Variants in SENP6 observed in about 807,000 individuals in gnomAD.
SENP6 encodes SUMO specific peptidase 6, also known as sentrin-specific protease 6.
In SENP6, 41 loss-of-function variants were observed where a neutral mutation model predicts 134.5. That is an observed-to-expected ratio of 0.30 (90% CI 0.24 to 0.40). The LOEUF (loss-of-function observed/expected upper bound fraction) is 0.40. Among genes scored for constraint, SENP6 ranks in the 10% least tolerant of loss-of-function variants. The pLI, the probability that SENP6 is intolerant of heterozygous loss-of-function variation, is 1.00. For synonymous variants in SENP6, 395 were observed against 429.8 expected, an observed-to-expected ratio of 0.92 and a Z score of 1.00; for missense variants, 1,248 against 1,312.5, an observed-to-expected ratio of 0.95 and a Z score of 0.76.
chr6:75,633,613 C>G lies in SENP6; in HGVS notation c.240C>G (p.Ser80Arg). ...GTCGATCTGAAATTGTTGCTAATAG[C>G]TCTGGTGAATTCATCTTGAAGACAT... The part of the protein sequence containing the change: ...LNRRSEIVAN[S>R]SGEFILKTYV... The change falls in exon 4 of 24, where the codon AGC (serine) becomes AGG (arginine). Residue 80 changes from serine to arginine, a missense_variant. Coordinates refer to ENST00000447266, the MANE Select transcript of SENP6 (RefSeq NM_015571.4). 1 of 1,604,338 alleles carries G rather than the reference C, an allele frequency of 6.2e-7. No individual in the cohort carries two copies. Among genetic ancestry groups the G allele is most frequent in the Non-Finnish European group, 8.5e-7 (1 of 1,177,272 alleles).
intron 2 of SENP6, 128 bp from the exon 3 acceptor site, chr6:75,623,772 G>T: frequency 2.9e-6 from 2 of 680,700 alleles, no homozygotes; most frequent in South Asian, 2.1e-5. Context: ...CAAAGACTGT[G>T]GTTTGGCCCT....
At chr6:75,652,232 CT>C (rs1227881990) in intron 7 of SENP6, among the ~76,000 whole-genome samples, 1 of 150,390 alleles carries the variant, frequency 6.6e-6, no homozygotes. Context: ...TTCCTTACAA[CT>C]TTTTTTTGAC....
At chr6:75,674,178 A>G (rs1218310751) in intron 11 of SENP6, among the ~76,000 whole-genome samples, 68 of 138,438 alleles carry the variant, frequency 4.9e-4, no homozygotes, top group African/African-American at 1.5e-3. Context: ...TTTAAAAACG[A>G]TAAGGTCTCT....
chr6:75,658,714 G>A (rs1006265537), intron 7 of SENP6, among the ~76,000 whole-genome samples: 75 of 151,990 alleles, frequency 4.9e-4, no homozygotes, highest in African/African-American at 1.8e-3. Context: ...TGTACTGTTT[G>A]AATTCAGATT....
intron 19 of SENP6, among the ~76,000 whole-genome samples, chr6:75,706,840 G>A (rs1234557997): frequency 6.6e-6 from 1 of 152,146 alleles, no homozygotes; most frequent in Non-Finnish European, 1.5e-5. Context: ...AGAAAACTAG[G>A]GAAATAACAA....
Position 75,702,973 on chromosome 6 carries a change from G to A in SENP6, c.2617G>A (p.Glu873Lys). 1 of 1,613,880 alleles carries A rather than the reference G, an allele frequency of 6.2e-7. No homozygotes were observed. The highest frequency in any genetic ancestry group is 8.5e-7 in the Non-Finnish European group (1 of 1,179,850). Residue 873 changes from glutamate to lysine, a missense_variant, in exon 19 of 24, where the codon GAA becomes AAA. Glu to Lys is a moderately conservative substitution (Grantham distance 56). Around this residue, in one of 3 missense-constraint regions of SENP6, gnomAD observed 386 missense variants for 395.0 expected, o/e 0.98. Coordinates refer to ENST00000447266, the MANE Select transcript of SENP6 (RefSeq NM_015571.4). ...AAATCATACTGCGAGTGAAAATGAAGAATTCAATAAAGGAGAATCTACATC... is the reference window on the plus strand; with the variant it reads ...AAATCATACTGCGAGTGAAAATGAAAAATTCAATAAAGGAGAATCTACATC... ...KINHTASENE[E>K]FNKGESTSQK...
intron 1 of SENP6, among the ~76,000 whole-genome samples, chr6:75,605,938 G>T (rs1431570643): frequency 6.6e-6 from 1 of 152,176 alleles, no homozygotes; most frequent in Non-Finnish European, 1.5e-5. Context: ...CTGGGGAAGA[G>T]AAGTTGATAG....
intron 16 of SENP6, among the ~76,000 whole-genome samples, chr6:75,685,934 A>G (rs2149886523): frequency 6.6e-6 from 1 of 152,160 alleles, no homozygotes; most frequent in East Asian, 1.9e-4. Context: ...AGCTGAGTTC[A>G]ATTCCTGGGT....
intron 1 of SENP6, among the ~76,000 whole-genome samples, chr6:75,613,415 T>C (rs928965710): frequency 2.0e-5 from 3 of 152,152 alleles, no homozygotes; most frequent in Admixed American, 1.3e-4. Flanking sequence ...ATTTACCGTC[T>C]GGCCTTTTAC....
intron 21 of SENP6, among the ~76,000 whole-genome samples, chr6:75,712,126 G>A (rs559372175): frequency 3.3e-4 from 51 of 152,284 alleles, no homozygotes; most frequent in Middle Eastern, 3.4e-3. Context: ...AGACGTAAGA[G>A]ACATGTTCCA....
At chr6:75,614,885 TTTG>T (rs779668712) in intron 1 of SENP6, among the ~76,000 whole-genome samples, 3 of 152,260 alleles carry the variant, frequency 2.0e-5, no homozygotes, top group Non-Finnish European at 2.9e-5. Flanking sequence ...TTGCAAGTTT[TTTG>T]TTGTTGTTGT....
In SENP6 at chr6:75,666,915, C is replaced by A; in HGVS notation, c.1198C>A (p.Pro400Thr). The A allele has an allele frequency of 6.3e-7, 1 of 1,599,592 alleles. No homozygotes were observed. The highest frequency in any genetic ancestry group is 8.6e-7 in the Non-Finnish European group (1 of 1,169,244). The change falls in exon 10 of 24, where the codon CCA becomes ACA. Residue 400 changes from proline to threonine, a missense_variant. This residue lies in a region of SENP6 where 733 missense variants were observed against 725.4 expected (regional missense o/e 1.01). Coordinates refer to ENST00000447266, the MANE Select transcript of SENP6 (RefSeq NM_015571.4). ...EDSELNTVTL[P>T]RKARMKDQFG... ...CTCAGAGTTAAATACAGTTACATTGCCAAGAAAAGCAAGAATGAAAGACCA... is the reference window on the plus strand; with the variant it reads ...CTCAGAGTTAAATACAGTTACATTGACAAGAAAAGCAAGAATGAAAGACCA...
chr6:75,718,277 TATA>T (rs1339555005), exon 24 of SENP6: 1 of 152,180 alleles, frequency 6.6e-6, no homozygotes, highest in African/African-American at 2.4e-5. Context: ...TATTTTAATA[TATA>T]ATATGACCAA....
At chr6:75,707,510 TG>T in intron 19 of SENP6, among the ~76,000 whole-genome samples, 1 of 151,762 alleles carries the variant, frequency 6.6e-6, no homozygotes, top group South Asian at 2.1e-4. Flanking sequence ...ACTATAGGCA[TG>T]TGTCACCTGC....
intron 3 of SENP6, among the ~76,000 whole-genome samples, chr6:75,626,205 T>C (rs1221740732): frequency 2.6e-5 from 4 of 151,998 alleles, no homozygotes; most frequent in Admixed American, 2.0e-4. Flanking sequence ...ATTTTTATTA[T>C]GTAAATTTTT....
chr6:75,634,990 A>G (rs1439507842), intron 5 of SENP6, 179 bp downstream of exon 5: 5 of 668,928 alleles, frequency 7.5e-6, no homozygotes, highest in Non-Finnish European at 1.4e-5. Flanking sequence ...GCTTTTGAGT[A>G]ATCAGATTCT....
intron 9 of SENP6, among the ~76,000 whole-genome samples, chr6:75,664,852 A>G (rs933199025): frequency 6.6e-6 from 1 of 152,210 alleles, no homozygotes; most frequent in Non-Finnish European, 1.5e-5. Context: ...ATAGCAGTGA[A>G]TAAGACACTG....
chr6:75,694,099 A>G (rs1336849145), intron 16 of SENP6, among the ~76,000 whole-genome samples: 2 of 152,186 alleles, frequency 1.3e-5, no homozygotes, highest in Non-Finnish European at 2.9e-5. Context: ...TCTACTAAAA[A>G]TACAAAATTA....
At chr6:75,640,268 G>A (rs1769922763) in intron 5 of SENP6, among the ~76,000 whole-genome samples, 1 of 152,044 alleles carries the variant, frequency 6.6e-6, no homozygotes, top group Non-Finnish European at 1.5e-5. Flanking sequence ...CAGAAAGTGT[G>A]GTTGACACCC....
Sources: allele counts gnomAD v4.1 joint callset (sites outside exome capture counted in the v4.1 genomes callset), GRCh38; gene constraint gnomAD v4.1.1; regional missense constraint gnomAD v4.1.1; transcripts MANE v1.5; gene names NCBI Gene and HGNC (gene_info 2026-07-23, HGNC 2026-07-21).